Variants in ROBO1 observed in about 807,000 individuals in gnomAD.
The protein encoded by ROBO1 is roundabout guidance receptor 1, also known as roundabout homolog 1.
In ROBO1, 149 loss-of-function variants were observed where a neutral mutation model predicts 195.9. That is an observed-to-expected ratio of 0.76 (90% CI 0.67 to 0.87). The LOEUF is 0.87. ROBO1 is among the 40% of genes least tolerant of loss of function. The pLI is 0.00. For synonymous variants in ROBO1, 816 were observed against 733.2 expected (o/e 1.11, Z -1.82); for missense variants, 1,933 against 2,068.3 (o/e 0.93, Z 1.27).
At chr3:79,378,315 C>T (rs1307241716) in intron 2 of ROBO1, among the ~76,000 whole-genome samples, 1 of 152,026 alleles carries the variant, frequency 6.6e-6, no homozygotes, top group African/African-American at 2.4e-5. Flanking sequence ...TCGGTGCCAG[C>T]CTCCAGCATG....
At chr3:79,475,354 T>G (rs1938497090) in intron 2 of ROBO1, among the ~76,000 whole-genome samples, 1 of 151,998 alleles carries the variant, frequency 6.6e-6, no homozygotes, top group South Asian at 2.1e-4. Context: ...GAGGTTCTGC[T>G]TCTGTAACTG....
chr3:79,285,715 T>C (rs1355834616), intron 2 of ROBO1, among the ~76,000 whole-genome samples: 2 of 152,170 alleles, frequency 1.3e-5, no homozygotes, highest in African/African-American at 4.8e-5. Context: ...GCAAAGACCA[T>C]TAAACCCTTG....
intron 2 of ROBO1, among the ~76,000 whole-genome samples, chr3:79,372,807 C>T (rs1027077187): frequency 2.3e-4 from 35 of 151,892 alleles, no homozygotes; most frequent in African/African-American, 8.2e-4. Flanking sequence ...TATAGCATAT[C>T]ATATAACATG....
At chr3:79,162,863 A>G (rs755355929) in intron 2 of ROBO1, among the ~76,000 whole-genome samples, 35 of 152,152 alleles carry the variant, frequency 2.3e-4, no homozygotes, top group Non-Finnish European at 2.8e-4. Flanking sequence ...TACATCATGA[A>G]TCACTGGTAA....
In ROBO1 at chr3:79,555,941, C is replaced by T. The variant is rs555860112; in HGVS notation, c.88+33883G>A. ...TATCCAGTGGAGTGTGCCACGCATG[C>T]TTATGTGATTTGCCATGTGTGTTGA... On this transcript the variant is annotated intron_variant, in intron 2 of 30. Transcript: ENST00000464233. 2.0e-5 allele frequency among the ~76,000 whole-genome samples: 3 copies of T among 152,150 alleles called. No individual in the cohort carries two copies. The East Asian group carries it at 5.8e-4, about 29-fold the overall frequency.
intron 5 of ROBO1, among the ~76,000 whole-genome samples, chr3:78,728,833 A>G (rs2082222293): frequency 6.6e-6 from 1 of 152,220 alleles, no homozygotes; most frequent in Admixed American, 6.5e-5. Flanking sequence ...GGATCTCTCC[A>G]TTGGCGTCCC....
intron 3 of ROBO1, among the ~76,000 whole-genome samples, chr3:78,987,827 C>T (rs987681721): frequency 3.3e-5 from 5 of 151,878 alleles, no homozygotes; most frequent in African/African-American, 4.8e-5. Context: ...TACCCTGATG[C>T]GATTATTACA....
intron 1 of ROBO1, among the ~76,000 whole-genome samples, chr3:79,726,623 A>G (rs1345165224): frequency 1.3e-5 from 2 of 152,088 alleles, no homozygotes; most frequent in South Asian, 2.1e-4. Context: ...TAGTTTTGAG[A>G]TTATTGGCAT....
chr3:78,611,344 G>A (rs1447414508), intron 28 of ROBO1, among the ~76,000 whole-genome samples: 5 of 152,274 alleles, frequency 3.3e-5, no homozygotes, highest in Non-Finnish European at 4.4e-5. Context: ...CTATGTAAAT[G>A]CATTAGAGAG....
intron 2 of ROBO1, among the ~76,000 whole-genome samples, chr3:79,144,356 G>T (rs938763480): frequency 6.6e-6 from 1 of 151,980 alleles, no homozygotes; most frequent in East Asian, 1.9e-4. Context: ...TTAGGATTAG[G>T]TTAAAGTTAA....
chr3:78,662,916 A>G (rs1490407010), intron 14 of ROBO1, among the ~76,000 whole-genome samples: 1 of 152,138 alleles, frequency 6.6e-6, no homozygotes, highest in Non-Finnish European at 1.5e-5. Flanking sequence ...TCTACACTCA[A>G]AAAAACATTT....
intron 2 of ROBO1, among the ~76,000 whole-genome samples, chr3:79,373,004 C>T (rs1413767271): frequency 4.6e-5 from 7 of 151,880 alleles, no homozygotes; most frequent in Non-Finnish European, 1.0e-4. Flanking sequence ...GAACACATCA[C>T]ACAAATAGTG....
chr3:79,444,570 T>G (rs2039173947), intron 2 of ROBO1, among the ~76,000 whole-genome samples: 1 of 152,134 alleles, frequency 6.6e-6, no homozygotes, highest in Admixed American at 6.5e-5. Context: ...AATTGAACAT[T>G]CATATGTCCT....
rs146179865 is a variant in ROBO1, at chr3:78,599,602, A to G, written c.4941+511T>C. Among the ~76,000 whole-genome samples the G allele has an allele frequency of 1.4e-3, 212 of 150,972 alleles. 2 individuals are homozygous for G. Among genetic ancestry groups the G allele is most frequent in the African/African-American group, 4.5e-3 (186 of 41,118 alleles). On this transcript the variant is annotated intron_variant, in intron 30 of 30. Coordinates refer to ENST00000464233, the MANE Select transcript of ROBO1 (RefSeq NM_002941.4). Reference sequence around the variant, plus strand: ...GATATGTCAAGGCTAACAAGAGAGTATATCTTTGACGTAAGAAGTTTCCTC... The same window carrying G: ...GATATGTCAAGGCTAACAAGAGAGTGTATCTTTGACGTAAGAAGTTTCCTC...
chr3:79,744,577 C>T (rs929234993), intron 1 of ROBO1, among the ~76,000 whole-genome samples: 1 of 152,072 alleles, frequency 6.6e-6, no homozygotes, highest in East Asian at 1.9e-4. Context: ...GCAAGAAGAC[C>T]CTCACCAAGA....
chr3:79,192,833 T>C (rs529346799), intron 2 of ROBO1, among the ~76,000 whole-genome samples: 5 of 151,592 alleles, frequency 3.3e-5, no homozygotes, highest in African/African-American at 1.2e-4. Flanking sequence ...CTTTGAAAAA[T>C]GTGCACTCTG....
At chr3:79,108,398 T>C (rs564549673) in intron 3 of ROBO1, among the ~76,000 whole-genome samples, 6 of 151,964 alleles carry the variant, frequency 3.9e-5, no homozygotes, top group Admixed American at 2.6e-4. Context: ...ATTCAACTAC[T>C]TTTTATAAAG....
intron 3 of ROBO1, among the ~76,000 whole-genome samples, chr3:79,069,972 T>TA (rs1425868105): frequency 6.6e-6 from 1 of 151,898 alleles, no homozygotes; most frequent in Non-Finnish European, 1.5e-5. Flanking sequence ...TCATCAAGTT[T>TA]AACTTCCCTC....
At chr3:79,038,784 A>G (rs941990762) in intron 3 of ROBO1, among the ~76,000 whole-genome samples, 1 of 152,134 alleles carries the variant, frequency 6.6e-6, no homozygotes, top group South Asian at 2.1e-4. Context: ...CTTTCTCAAT[A>G]TGACATGAGG....
Sources: allele counts gnomAD v4.1 joint callset (sites outside exome capture counted in the v4.1 genomes callset), GRCh38; gene constraint gnomAD v4.1.1; transcripts MANE v1.5; gene names NCBI Gene and HGNC (gene_info 2026-07-23, HGNC 2026-07-21).